Variants in C1orf116 observed in about 807,000 individuals in gnomAD.
C1orf116 encodes specifically androgen-regulated gene protein.
In C1orf116, 12 loss-of-function variants were observed where a neutral mutation model predicts 14.1. The ratio of observed to expected loss-of-function variants is 0.85; its 90% CI spans 0.54 to 1.38. The LOEUF is 1.38. C1orf116 is among the 40% of genes most tolerant of loss of function. The pLI is 0.00. For missense variants in C1orf116, 797 were observed against 747.0 expected (o/e 1.07, Z -0.78); for synonymous variants, 296 against 299.0 (o/e 0.99, Z 0.10).
chr1:207,022,160 G>A lies in C1orf116; in HGVS notation c.1604C>T (p.Thr535Met), dbSNP rs562853562. 48 of 1,613,512 alleles carry A rather than the reference G, an allele frequency of 3.0e-5. No individual in the cohort carries two copies. The highest frequency in any genetic ancestry group is 1.3e-4 in the South Asian group (12 of 91,052). The stretch of plus-strand genomic sequence containing the variant: ...CTGGATACCTGCAAAATCTTTCCCC[G>A]TGCCCAGGGAGGCCGGGCGGGGCCG... ...NSRPRPASLG[T>M]GKDFAGIQVG... Residue 535 changes from threonine (T) to methionine (M), a missense_variant, in exon 4 of 4, where the codon ACG becomes ATG. Physicochemically the swap from Thr to Met is moderately conservative, Grantham distance 81. Coordinates refer to ENST00000359470, the MANE Select transcript of C1orf116 (RefSeq NM_023938.6).
chr1:207,029,410 A>G (rs553498601), intron 1 of C1orf116, among the ~76,000 whole-genome samples: 41 of 152,298 alleles, frequency 2.7e-4, no homozygotes, highest in South Asian at 6.2e-4. Flanking sequence ...AACATGAGAA[A>G]TCATGTGGAT....
intron 1 of C1orf116, among the ~76,000 whole-genome samples, chr1:207,030,694 G>T (rs1424842499): frequency 6.6e-6 from 1 of 152,068 alleles, no homozygotes; most frequent in African/African-American, 2.4e-5. Context: ...TGAACCTTGG[G>T]GCTCTTTCAG....
Position 207,022,046 on chromosome 1 carries a change from G to C in C1orf116, c.1718C>G (p.Pro573Arg), listed in dbSNP as rs141737723. ...TGGGGAGATCTTGACACTGACACAG[G>C]GGGGGCGAGGAAGCTTGTCACGGCT... is the stretch of plus-strand genomic sequence containing the variant. ...GQSRDKLPRP[P>R]CVSVKISPKG... The change falls in exon 4 of 4, where the codon CCC becomes CGC. Residue 573 changes from proline (P) to arginine (R), a missense_variant. Transcript: ENST00000359470. 6.4e-5 allele frequency: 102 copies of C among 1,602,708 alleles called. No individual in the cohort carries two copies. The highest frequency in any genetic ancestry group is 5.4e-4 in the East Asian group (24 of 44,828).
chr1:207,025,715 C>T (rs1682057526), intron 2 of C1orf116, among the ~76,000 whole-genome samples: 1 of 152,104 alleles, frequency 6.6e-6, no homozygotes, highest in South Asian at 2.1e-4. Context: ...GGAATTTTTC[C>T]CCTTGTACAT....
At position 207,022,030 on chromosome 1, in the gene C1orf116, CT is replaced by C. The variant is rs1320282246; in HGVS notation, c.1733del (p.Lys578ArgfsTer16). On this transcript the variant is annotated frameshift_variant, in exon 4 of 4. Coordinates refer to ENST00000359470, the MANE Select transcript of C1orf116 (RefSeq NM_023938.6). LOFTEE classifies it high-confidence loss of function. Reference sequence around the variant, plus strand: ...CATTGGGGACACCCTTTGGGGAGATCTTGACACTGACACAGGGGGGGCGAGG... The same window carrying C: ...CATTGGGGACACCCTTTGGGGAGATCTGACACTGACACAGGGGGGGCGAGG... ...KLPRPPCVSV[K>X]ISPKGVPNEH... The C allele has an allele frequency of 6.3e-7, 1 of 1,589,816 alleles. No homozygotes were observed. The highest frequency in any genetic ancestry group is 1.4e-5 in the African/African-American group (1 of 73,994).
At chr1:207,031,625 G>A (rs1682247518) in intron 1 of C1orf116, among the ~76,000 whole-genome samples, 1 of 152,298 alleles carries the variant, frequency 6.6e-6, no homozygotes, top group African/African-American at 2.4e-5. Flanking sequence ...TAATGGAGAG[G>A]CAACTTGCTA....
chr1:207,020,163 G>A lies in C1orf116; in HGVS notation c.*1795C>T, dbSNP rs1681793325. On this transcript the variant is annotated 3_prime_UTR_variant, in exon 4 of 4. Transcript: ENST00000359470. ...TGGCCGGTTGTGGGAGTCCTCATCA[G>A]CCGTGACAGACCAAGTCCTCACCCA... 1 of 152,166 alleles carries A rather than the reference G, an allele frequency of 6.6e-6. No individual in the cohort carries two copies. The highest frequency in any genetic ancestry group is 2.4e-5 in the African/African-American group (1 of 41,414). The allele number at this position is 152,166 out of a possible 1,614,324, so 9.4% of individuals were successfully genotyped here.
At position 207,023,423 on chromosome 1, in the gene C1orf116, G is replaced by T; in HGVS notation, c.341C>A (p.Ser114Tyr). Reference sequence around the variant, plus strand: ...GGGCTCAGGAGGGTGGGATGAGCTGGACTCAGTTACTGTCCTTGGCGTTCG... The same window carrying T: ...GGGCTCAGGAGGGTGGGATGAGCTGTACTCAGTTACTGTCCTTGGCGTTCG... ...QGRTPRTVTESSSSHPPEPQG... is the reference protein window; with the variant it reads ...QGRTPRTVTEYSSSHPPEPQG... Residue 114 changes from serine to tyrosine, a missense_variant, in exon 4 of 4, where the codon TCC (serine) becomes TAC (tyrosine). Transcript: ENST00000359470. 6.2e-7 allele frequency: 1 copy of T among 1,613,864 alleles called. No homozygotes were observed. The highest frequency in any genetic ancestry group is 1.1e-5 in the South Asian group (1 of 91,074).
intron 1 of C1orf116, among the ~76,000 whole-genome samples, chr1:207,029,202 T>TG (rs1224580471): frequency 6.6e-6 from 1 of 151,252 alleles, no homozygotes; most frequent in Non-Finnish European, 1.5e-5. Flanking sequence ...GGCAGAACAC[T>TG]GGGGGGAAAA....
In C1orf116 at chr1:207,020,525, C is replaced by T. The variant is rs1245132652; in HGVS notation, c.*1433G>A. On this transcript the variant is annotated 3_prime_UTR_variant, in exon 4 of 4. Coordinates refer to ENST00000359470, the MANE Select transcript of C1orf116 (RefSeq NM_023938.6). Reference sequence around the variant, plus strand: ...AGTCATGTCTGGCCATGTCTCACCTCCAAGCTTGTATTTGCAAGCCCACAC... The same window carrying T: ...AGTCATGTCTGGCCATGTCTCACCTTCAAGCTTGTATTTGCAAGCCCACAC... The T allele has an allele frequency of 6.6e-6, 1 of 152,182 alleles. No homozygotes were observed. The highest frequency in any genetic ancestry group is 1.5e-5 in the Non-Finnish European group (1 of 68,040). The allele number at this position is 152,182 out of a possible 1,614,324, so 9.4% of individuals were successfully genotyped here. A position where few individuals can be genotyped will look rare whatever the true frequency, so the allele number is the denominator to read the frequency against.
chr1:207,022,486 T>C lies in C1orf116; in HGVS notation c.1278A>G (p.Pro426=), dbSNP rs756107615. 3.7e-6 allele frequency: 6 copies of C among 1,614,150 alleles called. No homozygotes were observed. In the East Asian group the frequency reaches 6.7e-5, roughly 18 times the overall value. ...CATTGCCTGGAGCTGGAGACTTCAT[T>C]GGCAAAGGTCCCTGAGCTGGACCTG... ...PAPGPAQGPL[P]MKSPAPGNVA... is the part of the protein sequence containing the mutation. Residue 426 remains proline, a synonymous_variant, in exon 4 of 4, where the codon CCA becomes CCG. Transcript: ENST00000359470.
intron 3 of C1orf116, among the ~76,000 whole-genome samples, chr1:207,023,985 C>T (rs953453364): frequency 6.6e-6 from 1 of 152,218 alleles, no homozygotes; most frequent in Non-Finnish European, 1.5e-5. Context: ...TTTTGGGCCT[C>T]CCAGATAACT....
At position 207,025,194 on chromosome 1, in the gene C1orf116, T is replaced by C. The variant is rs1682042306; in HGVS notation, c.106-130A>G. The C allele has an allele frequency of 2.1e-5, 14 of 669,522 alleles. No homozygotes were observed. The East Asian group carries it at 3.8e-4, about 18-fold the overall frequency. The allele number at this position is 669,522 out of a possible 1,614,324, so 41.5% of individuals were successfully genotyped here. The stretch of plus-strand genomic sequence containing the variant: ...AACTGGCGGGGCCTGAGAACCACCC[T>C]GCAGAGAGGAAGGAATGCTGAAGAG... On this transcript the variant is annotated intron_variant, in intron 2 of 3. Transcript: ENST00000359470.
At position 207,022,790 on chromosome 1, in the gene C1orf116, T is replaced by A. The variant is rs771704465; in HGVS notation, c.974A>T (p.His325Leu). The A allele has an allele frequency of 1.2e-6, 2 of 1,614,094 alleles. No individual in the cohort carries two copies. Among genetic ancestry groups the A allele is most frequent in the South Asian group, 1.1e-5 (1 of 91,080 alleles). The change falls in exon 4 of 4, where the codon CAC (histidine) becomes CTC (leucine). Residue 325 changes from histidine to leucine, a missense_variant. His to Leu is a moderately conservative substitution (Grantham distance 99). Transcript: ENST00000359470. The part of the protein sequence containing the change: ...HSDPQHWLSR[H>L]TEAAPGDSGL... ...AGAATCTCCAGGGGCAGCCTCAGTGTGGCGGGACAGCCAGTGCTGGGGGTC... is the reference window on the plus strand; with the variant it reads ...AGAATCTCCAGGGGCAGCCTCAGTGAGGCGGGACAGCCAGTGCTGGGGGTC...
At chr1:207,029,694 T>C (rs915480820) in intron 1 of C1orf116, among the ~76,000 whole-genome samples, 2 of 152,218 alleles carry the variant, frequency 1.3e-5, no homozygotes, top group Non-Finnish European at 2.9e-5. Flanking sequence ...CTGGATAATA[T>C]ATGGCTCAGT....
At chr1:207,024,517 C>T (rs890137561) in intron 3 of C1orf116, among the ~76,000 whole-genome samples, 11 of 152,222 alleles carry the variant, frequency 7.2e-5, no homozygotes, top group Admixed American at 1.3e-4. Flanking sequence ...CTGTGTCACC[C>T]AGATTAGCTC....
Position 207,020,282 on chromosome 1 carries a change from T to G in C1orf116, c.*1676A>C, listed in dbSNP as rs1404273792. On this transcript the variant is annotated 3_prime_UTR_variant, in exon 4 of 4. Transcript: ENST00000359470. ...CCACACCTCACATACCATGACAGGG[T>G]GGAGTATTTGTTGTCCTTATGTTAA... is the stretch of plus-strand genomic sequence containing the variant. 1.3e-5 allele frequency: 2 copies of G among 152,110 alleles called. No individual in the cohort carries two copies. The highest frequency in any genetic ancestry group is 2.4e-5 in the African/African-American group (1 of 41,380). 9.4% of individuals were successfully genotyped at this position (152,110 alleles called of 1,614,324 possible). A position where few individuals can be genotyped will look rare whatever the true frequency, so the allele number is the denominator to read the frequency against.
rs147851020 is a variant in C1orf116 at position 207,022,878 on chromosome 1, G to A, written c.886C>T (p.Pro296Ser). The A allele has an allele frequency of 9.3e-4, 1,505 of 1,614,062 alleles. 18 individuals carry two copies. The highest frequency in any genetic ancestry group is 2.2e-3 in the East Asian group (99 of 44,878). The stretch of plus-strand genomic sequence containing the variant: ...TTAGGTGGCAGCTTCCGGGGCTTAG[G>A]GGTTGTGAGGGGAGCTAGTCGGCTG... ...PNSRLAPLTTPKPRKLPPNIV... is the reference protein window; with the variant it reads ...PNSRLAPLTTSKPRKLPPNIV... The change falls in exon 4 of 4, where the codon CCT becomes TCT. Residue 296 changes from proline (P) to serine (S), a missense_variant. Physicochemically the swap from Pro to Ser is moderately conservative, Grantham distance 74 (BLOSUM62 -1). Coordinates refer to ENST00000359470, the MANE Select transcript of C1orf116 (RefSeq NM_023938.6).
intron 2 of C1orf116, among the ~76,000 whole-genome samples, chr1:207,026,905 A>G (rs1333168394): frequency 3.3e-5 from 5 of 152,228 alleles, no homozygotes; most frequent in Non-Finnish European, 7.3e-5. Context: ...TCTTTTCTAT[A>G]TAGAGGCATA....
Sources: allele counts gnomAD v4.1 joint callset (sites outside exome capture counted in the v4.1 genomes callset), GRCh38; gene constraint gnomAD v4.1.1; transcripts MANE v1.5; gene names NCBI Gene and HGNC (gene_info 2026-07-23, HGNC 2026-07-21).